TENM4: variants seen among roughly 807,000 people sequenced by gnomAD.
TENM4 encodes the protein teneurin-4.
In TENM4, 82 loss-of-function variants were observed where a neutral mutation model predicts 243.3. The observed-to-expected ratio is 0.34, with a 90% CI of 0.28 to 0.40. The LOEUF (loss-of-function observed/expected upper bound fraction) is 0.40, where lower values mean the gene tolerates loss of function less well. Ranked by LOEUF, TENM4 falls within the 10% of genes least tolerant of loss-of-function variation. The probability of loss-of-function intolerance (pLI) is 1.00; values close to 1 mark genes in which losing one functional copy is unlikely to be tolerated. For synonymous variants in TENM4, 1,412 were observed against 1,456.3 expected (o/e 0.97, Z 0.69); for missense variants, 3,138 against 3,673.3 (o/e 0.85, Z 3.77).
At chr11:79,205,870 G>A (rs1287270000) in intron 3 of TENM4, among the ~76,000 whole-genome samples, 1 of 152,230 alleles carries the variant, frequency 6.6e-6, no homozygotes, top group East Asian at 1.9e-4. Context: ...AAGAGAGAAA[G>A]GAGGCACTAC....
chr11:79,042,790 G>C (rs1176445986), intron 6 of TENM4, among the ~76,000 whole-genome samples: 1 of 152,140 alleles, frequency 6.6e-6, no homozygotes, highest in Non-Finnish European at 1.5e-5. Flanking sequence ...TCTTGAATCT[G>C]TCTGCATGAT....
At chr11:79,332,776 T>C (rs910254272) in intron 1 of TENM4, among the ~76,000 whole-genome samples, 1 of 152,194 alleles carries the variant, frequency 6.6e-6, no homozygotes, top group East Asian at 1.9e-4. Context: ...AGTCTGCACC[T>C]CTACGTTGTC....
chr11:79,317,391 AG>A (rs200166687), intron 1 of TENM4, among the ~76,000 whole-genome samples: 4 of 152,076 alleles, frequency 2.6e-5, no homozygotes, highest in Non-Finnish European at 5.9e-5. Flanking sequence ...TTTTCTGGGA[AG>A]GGGGGGTCAG....
intron 4 of TENM4, among the ~76,000 whole-genome samples, chr11:79,121,270 C>T (rs1861740509): frequency 2.0e-5 from 3 of 152,142 alleles, no homozygotes; most frequent in Admixed American, 2.0e-4. Flanking sequence ...GGCCAGACTT[C>T]ACCCCAAAGT....
At chr11:78,705,778 T>C (rs1353976598) in intron 27 of TENM4, among the ~76,000 whole-genome samples, 1 of 152,210 alleles carries the variant, frequency 6.6e-6, no homozygotes, top group African/African-American at 2.4e-5. Flanking sequence ...TCACTTCCTA[T>C]TCCAGTTCCA....
intron 4 of TENM4, among the ~76,000 whole-genome samples, chr11:79,130,026 C>G (rs995260551): frequency 2.6e-5 from 4 of 152,164 alleles, no homozygotes; most frequent in African/African-American, 9.7e-5. Flanking sequence ...CTGGTATACA[C>G]CACTGAGAGA....
chr11:79,195,180 G>A (rs1863598323), intron 3 of TENM4, among the ~76,000 whole-genome samples: 1 of 152,254 alleles, frequency 6.6e-6, no homozygotes, highest in South Asian at 2.1e-4. Flanking sequence ...GTATGGAAAT[G>A]TCTGGATGCT....
chr11:79,088,221 C>T (rs1383024499), intron 4 of TENM4, among the ~76,000 whole-genome samples: 1 of 152,184 alleles, frequency 6.6e-6, no homozygotes, highest in Non-Finnish European at 1.5e-5. Context: ...AGGGCTGAAA[C>T]CCAGAGGGTG....
intron 6 of TENM4, among the ~76,000 whole-genome samples, chr11:78,968,257 A>G (rs1857475902): frequency 6.6e-6 from 1 of 152,158 alleles, no homozygotes; most frequent in Admixed American, 6.5e-5. Flanking sequence ...CTGTGCTTGT[A>G]TAGCCTGTAG....
chr11:78,780,583 GA>G (rs1220687552), intron 16 of TENM4, among the ~76,000 whole-genome samples: 9 of 151,936 alleles, frequency 5.9e-5, no homozygotes, highest in Non-Finnish European at 7.4e-5. Flanking sequence ...GTTCTCTGAT[GA>G]AAAAAACTTT....
intron 6 of TENM4, among the ~76,000 whole-genome samples, chr11:78,923,101 C>G (rs897586109): frequency 3.9e-5 from 6 of 152,122 alleles, no homozygotes; most frequent in Admixed American, 2.6e-4. Context: ...GCAGTGAACA[C>G]TTAAACATTG....
chr11:79,062,188 T>C (rs1860109365), intron 6 of TENM4, among the ~76,000 whole-genome samples: 1 of 152,120 alleles, frequency 6.6e-6, no homozygotes, highest in African/African-American at 2.4e-5. Flanking sequence ...TCTTGGACTC[T>C]GGCCTCAAGC....
intron 12 of TENM4, among the ~76,000 whole-genome samples, chr11:78,818,743 T>C (rs1247010144): frequency 2.0e-5 from 3 of 152,126 alleles, no homozygotes; most frequent in Non-Finnish European, 4.4e-5. Context: ...TCCCAATTAG[T>C]GTTTGGTGAA....
chr11:78,985,668 A>G (rs1205889380), intron 6 of TENM4, among the ~76,000 whole-genome samples: 1 of 152,230 alleles, frequency 6.6e-6, no homozygotes, highest in Admixed American at 6.5e-5. Context: ...TAAAGAAGTT[A>G]ACCTATCTTA....
chr11:78,702,063 T>A lies in TENM4; in HGVS notation c.4550A>T (p.Asn1517Ile). The change falls in exon 28 of 34, where the codon AAT becomes ATT. Residue 1517 changes from asparagine to isoleucine, a missense_variant. By Grantham distance (149) the Asn-to-Ile change is moderately radical (BLOSUM62 -3). This residue lies in a region of TENM4 where 2,467 missense variants were observed against 3,059.1 expected (regional missense o/e 0.81). Transcript: ENST00000278550. ...AGAAAAACAATCACAGTTGGCATCA[T>A]TTTTACAGTCACAGCCACTGGGGGC... ...AGAPSGCDCK[N>I]DANCDCFSGD... 1 of 1,613,778 alleles carries A rather than the reference T, an allele frequency of 6.2e-7. No homozygotes were observed. Among genetic ancestry groups the A allele is most frequent in the Non-Finnish European group, 8.5e-7 (1 of 1,179,748 alleles).
At chr11:79,348,682 G>C (rs1316857608) in intron 1 of TENM4, among the ~76,000 whole-genome samples, 1 of 152,106 alleles carries the variant, frequency 6.6e-6, no homozygotes, top group African/African-American at 2.4e-5. Flanking sequence ...TCTTCAGTGG[G>C]AACCCAATTG....
At position 79,215,808 on chromosome 11, in the gene TENM4, C is replaced by T; in HGVS notation, c.-163G>A. 4.1e-6 allele frequency: 4 copies of T among 985,878 alleles called. No homozygotes were observed. The highest frequency in any genetic ancestry group is 4.8e-6 in the Non-Finnish European group (4 of 829,956). The allele number at this position is 985,878 out of a possible 1,614,324, so 61.1% of individuals were successfully genotyped here. A position where few individuals can be genotyped will look rare whatever the true frequency, so the allele number is the denominator to read the frequency against. ...AATCAGAGCAGACAAGGGGACTGAC[C>T]TGGCTCCATGTCAGCACGTTCTGAA... On this transcript the variant is annotated splice_region_variant and 5_prime_UTR_variant, in exon 3 of 34. Transcript: ENST00000278550.
At chr11:79,242,145 C>T (rs151322383) in intron 2 of TENM4, among the ~76,000 whole-genome samples, 167 of 152,196 alleles carry the variant, frequency 1.1e-3, no homozygotes, top group African/African-American at 3.8e-3. Flanking sequence ...GGAGCAGAGG[C>T]CTTCCTCGAC....
chr11:79,293,451 G>A lies in TENM4; in HGVS notation c.-265+4037C>T, dbSNP rs189669200. Reference sequence around the variant, plus strand: ...GAGCCCAGACGTTTGAGGCTGCAGTGAGCTGTGATCACATTATTGTGCTCC... The same window carrying A: ...GAGCCCAGACGTTTGAGGCTGCAGTAAGCTGTGATCACATTATTGTGCTCC... On this transcript the variant is annotated intron_variant, in intron 2 of 33. Transcript: ENST00000278550. Among the ~76,000 whole-genome samples, 297 of 150,448 alleles carry A rather than the reference G, an allele frequency of 2.0e-3. 1 individual carries two copies. Among genetic ancestry groups the A allele is most frequent in the African/African-American group, 6.6e-3 (271 of 40,936 alleles).
Sources: allele counts gnomAD v4.1 joint callset (sites outside exome capture counted in the v4.1 genomes callset), GRCh38; gene constraint gnomAD v4.1.1; regional missense constraint gnomAD v4.1.1; transcripts MANE v1.5; gene names NCBI Gene and HGNC (gene_info 2026-07-23, HGNC 2026-07-21).